The following TPR variants were observed in gnomAD, a reference collection of about 807,000 sequenced individuals.
TPR encodes the protein translocated promoter region, nuclear basket protein, also known as nucleoprotein TPR.
Under a neutral mutation model 316.1 loss-of-function variants are expected in TPR, and 51 were observed. That is an observed-to-expected ratio of 0.16 (90% CI 0.13 to 0.20). TPR has a LOEUF of 0.20. TPR is among the 10% of genes least tolerant of loss of function. The probability of loss-of-function intolerance (pLI) is 1.00; values close to 1 mark genes in which losing one functional copy is unlikely to be tolerated. For synonymous variants in TPR, 981 were observed against 914.7 expected (o/e 1.07, Z -1.31); for missense variants, 2,272 against 2,754.8 (o/e 0.82, Z 3.92).
chr1:186,367,355 G>A (rs937334023), intron 4 of TPR, among the ~76,000 whole-genome samples: 3 of 152,186 alleles, frequency 2.0e-5, no homozygotes, highest in African/African-American at 4.8e-5. Flanking sequence ...GTCAGCCACC[G>A]TGCCTGGGCA....
chr1:186,312,568 G>A lies in TPR; in HGVS notation c.*1403C>T, dbSNP rs1347708393. The A allele has an allele frequency of 2.6e-6, 2 of 781,710 alleles. No individual in the cohort carries two copies. The highest frequency in any genetic ancestry group is 3.5e-5 in the African/African-American group (2 of 57,082). 48.4% of individuals were successfully genotyped at this position (781,710 alleles called of 1,614,324 possible). ...TTCTTTTTCCTTGTGGGTAAGTAAA[G>A]CAGTTTGTTCAGGTTTGTTAGTTAT... On this transcript the variant is annotated 3_prime_UTR_variant, in exon 51 of 51. Transcript: ENST00000367478.
chr1:186,323,876 G>A lies in TPR; in HGVS notation c.6113-6C>T. On this transcript the variant is annotated splice_region_variant and splice_polypyrimidine_tract_variant and intron_variant, in intron 42 of 50. Transcript: ENST00000367478. The stretch of plus-strand genomic sequence containing the variant: ...AGCACCTGTATTTCCTTCACCTGTA[G>A]GAAAAGAGAAATTTACTTTTGAACT... The A allele has an allele frequency of 1.3e-6, 2 of 1,522,384 alleles. No individual in the cohort carries two copies. The highest frequency in any genetic ancestry group is 1.3e-5 in the South Asian group (1 of 74,146). The allele number at this position is 1,522,384 out of a possible 1,614,324, so 94.3% of individuals were successfully genotyped here.
chr1:186,361,417 G>A (rs1353919392), intron 9 of TPR, among the ~76,000 whole-genome samples: 1 of 151,736 alleles, frequency 6.6e-6, no homozygotes, highest in East Asian at 1.9e-4. Context: ...AAAACCCCCT[G>A]CTGTCTGTAT....
In TPR at chr1:186,375,007, C is replaced by G. The variant is rs771983785; in HGVS notation, c.22G>C (p.Val8Leu). ...TTGTTCAGCTCCGTGCGCTCCAGGACTTGCTGCAACACCGCCGCCATGTCG... is the reference window on the plus strand; with the variant it reads ...TTGTTCAGCTCCGTGCGCTCCAGGAGTTGCTGCAACACCGCCGCCATGTCG... Reference protein sequence around the residue: MAAVLQQVLERTELNKLP... With the variant: MAAVLQQLLERTELNKLP... Residue 8 changes from valine (V) to leucine (L), a missense_variant, in exon 1 of 51, where the codon GTC becomes CTC. Val to Leu is a conservative substitution (Grantham distance 32). This residue lies in a region of TPR where 549 missense variants were observed against 598.6 expected (regional missense o/e 0.92). Transcript: ENST00000367478. 2 of 1,613,992 alleles carry G rather than the reference C, an allele frequency of 1.2e-6. No homozygotes were observed. The highest frequency in any genetic ancestry group is 2.2e-5 in the South Asian group (2 of 91,094).
intron 17 of TPR, among the ~76,000 whole-genome samples, chr1:186,354,946 A>C (rs1174055005): frequency 1.3e-5 from 2 of 152,172 alleles, no homozygotes; most frequent in African/African-American, 2.4e-5. Context: ...TCTCTTGCCC[A>C]GACTGGAGTG....
chr1:186,352,119 A>T lies in TPR; in HGVS notation c.2335-9T>A. The T allele has an allele frequency of 6.4e-7, 1 of 1,573,028 alleles. No homozygotes were observed. The stretch of plus-strand genomic sequence containing the variant: ...AAATTTTCTGCTCTTACCTAAACAT[A>T]AGTAGAAATGAAATAAAAAATGCTG... On this transcript the variant is annotated splice_polypyrimidine_tract_variant and intron_variant, in intron 18 of 50. Coordinates refer to ENST00000367478, the MANE Select transcript of TPR (RefSeq NM_003292.3).
chr1:186,326,186 C>T lies in TPR; in HGVS notation c.5939G>A (p.Gly1980Glu), dbSNP rs747404755. ...EDDDDDEDDT[G>E]MGDEGEDSNE... is the part of the protein sequence containing the mutation. ...ACTATCTTCACCCTCATCTCCCATC[C>T]CTGTGTCATCTTCATCATCATCATC... is the stretch of plus-strand genomic sequence containing the variant. The change falls in exon 41 of 51, where the codon GGG becomes GAG. Residue 1980 changes from glycine (G) to glutamate (E), a missense_variant. Physicochemically the swap from Gly to Glu is moderately conservative, Grantham distance 98. Coordinates refer to ENST00000367478, the MANE Select transcript of TPR (RefSeq NM_003292.3). The T allele has an allele frequency of 1.2e-6, 2 of 1,610,834 alleles. No individual in the cohort carries two copies. Among genetic ancestry groups the T allele is most frequent in the Non-Finnish European group, 1.7e-6 (2 of 1,177,262 alleles).
chr1:186,364,889 A>G (rs895467540), intron 4 of TPR, among the ~76,000 whole-genome samples: 2 of 152,168 alleles, frequency 1.3e-5, no homozygotes, highest in Non-Finnish European at 2.9e-5. Context: ...ACTCTACCGT[A>G]CTGAGCAAAT....
At chr1:186,357,278 G>T in intron 14 of TPR, 119 bp downstream of exon 14, 1 of 941,844 alleles carries the variant, frequency 1.1e-6, no homozygotes, top group Non-Finnish European at 1.6e-6. Flanking sequence ...GACCTCCTGG[G>T]CTCAAATGAT....
At position 186,326,177 on chromosome 1, in the gene TPR, T is replaced by A; in HGVS notation, c.5948A>T (p.Asp1983Val). The change falls in exon 41 of 51, where the codon GAT becomes GTT. Residue 1983 changes from aspartate (D) to valine (V), a missense_variant. By Grantham distance (152) the Asp-to-Val change is radical. Transcript: ENST00000367478. ...DDDEDDTGMG[D>V]EGEDSNEGTG... ...TCCTTCATTACTATCTTCACCCTCA[T>A]CTCCCATCCCTGTGTCATCTTCATC... 6.2e-7 allele frequency: 1 copy of A among 1,611,198 alleles called. No individual in the cohort carries two copies. Among genetic ancestry groups the A allele is most frequent in the Non-Finnish European group, 8.5e-7 (1 of 1,177,532 alleles).
At chr1:186,370,758 G>C (rs1659498231) in intron 3 of TPR, among the ~76,000 whole-genome samples, 1 of 152,080 alleles carries the variant, frequency 6.6e-6, no homozygotes, top group Non-Finnish European at 1.5e-5. Flanking sequence ...GCATTCAATA[G>C]ATAATTTCTG....
chr1:186,353,920 A>C, intron 17 of TPR, 70 bp from the exon 18 acceptor site: 1 of 1,444,494 alleles, frequency 6.9e-7, no homozygotes, highest in Non-Finnish European at 9.4e-7. Flanking sequence ...AAGAAATTTC[A>C]CAATAGCTTA....
chr1:186,351,952 T>C (rs531486836), intron 19 of TPR, 24 bp downstream of exon 19: 4 of 1,565,054 alleles, frequency 2.6e-6, no homozygotes, highest in Non-Finnish European at 2.6e-6. Flanking sequence ...ACATTTTTTC[T>C]ACATAGGCTT....
Position 186,360,901 on chromosome 1 carries a change from G to C in TPR, c.963C>G (p.Asn321Lys). 2 of 1,603,712 alleles carry C rather than the reference G, an allele frequency of 1.2e-6. No homozygotes were observed. Among genetic ancestry groups the C allele is most frequent in the Non-Finnish European group, 8.5e-7 (1 of 1,176,592 alleles). ...CTAGAAGATGATCTTGTATTGCTTT[G>C]TTGGCTAAAAAACAATTTTAAAGAC... ...HKLLKEAGEA[N>K]KAIQDHLLEV... Residue 321 changes from asparagine to lysine, a missense_variant, in exon 10 of 51, where the codon AAC becomes AAG. Asn to Lys is a moderately conservative substitution (Grantham distance 94). This residue lies in a region of TPR where 549 missense variants were observed against 598.6 expected (regional missense o/e 0.92). Coordinates refer to ENST00000367478, the MANE Select transcript of TPR (RefSeq NM_003292.3).
intron 35 of TPR, 65 bp from the exon 36 acceptor site, chr1:186,334,598 C>T: frequency 4.6e-6 from 7 of 1,517,334 alleles, no homozygotes; most frequent in Admixed American, 1.8e-5. Context: ...TTTAAAAACA[C>T]AGTGAGTATA....
chr1:186,323,642 T>C, intron 43 of TPR, 44 bp downstream of exon 43: 1 of 1,409,050 alleles, frequency 7.1e-7, no homozygotes, highest in Non-Finnish European at 9.3e-7. Context: ...AAAGCCAAGA[T>C]TTTTTTCAAG....
intron 17 of TPR, among the ~76,000 whole-genome samples, chr1:186,354,566 T>C (rs1297610458): frequency 6.6e-6 from 1 of 152,148 alleles, no homozygotes; most frequent in Non-Finnish European, 1.5e-5. Context: ...CTGCAATATA[T>C]CCTGCCTGCT....
At chr1:186,325,911 C>T (rs989513757) in intron 41 of TPR, 57 bp from the exon 42 acceptor site, 83 of 1,587,850 alleles carry the variant, frequency 5.2e-5, no homozygotes, top group East Asian at 2.9e-4. Context: ...TTAAAAAAAC[C>T]GGACAGAATA....
intron 49 of TPR, among the ~76,000 whole-genome samples, chr1:186,316,244 T>A (rs1269342384): frequency 1.3e-5 from 2 of 152,276 alleles, no homozygotes; most frequent in South Asian, 2.1e-4. Context: ...TTACTGCGTA[T>A]GAAATGGTTC....
Sources: allele counts gnomAD v4.1 joint callset (sites outside exome capture counted in the v4.1 genomes callset), GRCh38; gene constraint gnomAD v4.1.1; regional missense constraint gnomAD v4.1.1; transcripts MANE v1.5; gene names NCBI Gene and HGNC (gene_info 2026-07-23, HGNC 2026-07-21).